The following PTPRD variants were observed in gnomAD, a reference collection of about 807,000 sequenced individuals.
PTPRD encodes protein tyrosine phosphatase receptor type D.
PTPRD carries 34 observed loss-of-function variants against 214.5 expected under a neutral mutation model. The observed-to-expected ratio is 0.16, with a 90% CI of 0.12 to 0.21. The LOEUF (loss-of-function observed/expected upper bound fraction) is 0.21, where lower values mean the gene tolerates loss of function less well. PTPRD is among the 10% of genes least tolerant of loss of function. The pLI, the probability that PTPRD is intolerant of heterozygous loss-of-function variation, is 1.00. For synonymous variants in PTPRD, 1,128 were observed against 845.7 expected (o/e 1.33, Z -5.79); for missense variants, 2,545 against 2,398.7 (o/e 1.06, Z -1.27).
intron 11 of PTPRD, among the ~76,000 whole-genome samples, chr9:8,879,229 C>A (rs941185189): frequency 6.6e-6 from 1 of 152,106 alleles, no homozygotes; most frequent in African/African-American, 2.4e-5. Flanking sequence ...GTGATCGAGA[C>A]ACTGATGGGA....
chr9:9,215,148 G>A (rs1002236844), intron 9 of PTPRD, among the ~76,000 whole-genome samples: 3 of 152,164 alleles, frequency 2.0e-5, no homozygotes, highest in African/African-American at 4.8e-5. Flanking sequence ...ATTGGTCCAT[G>A]TGCATTTGTG....
intron 9 of PTPRD, among the ~76,000 whole-genome samples, chr9:9,227,242 CT>C (rs1365742122): frequency 6.6e-6 from 1 of 151,984 alleles, no homozygotes; most frequent in Non-Finnish European, 1.5e-5. Flanking sequence ...TTTTCCATTT[CT>C]TTTTTCATAC....
intron 14 of PTPRD, among the ~76,000 whole-genome samples, chr9:8,539,082 A>G (rs1169123231): frequency 6.6e-6 from 1 of 152,030 alleles, no homozygotes; most frequent in Non-Finnish European, 1.5e-5. Context: ...TTGACCAAAT[A>G]TTGGACAACT....
intron 2 of PTPRD, among the ~76,000 whole-genome samples, chr9:10,512,689 G>T (rs2048703880): frequency 6.6e-6 from 1 of 152,130 alleles, no homozygotes. Context: ...AAGAAAGGTT[G>T]TGGGTGGAGA....
intron 33 of PTPRD, among the ~76,000 whole-genome samples, chr9:8,458,354 T>C (rs2096275519): frequency 6.6e-6 from 1 of 152,156 alleles, no homozygotes; most frequent in Admixed American, 6.5e-5. Context: ...AAATACCATA[T>C]ACATCTGTTG....
chr9:8,658,895 T>A lies in PTPRD; in HGVS notation c.65-22051A>T, dbSNP rs143271110. ...TAAATAAATACAATTGCAATGGATA[T>A]CTAGACAATTAACTAAAATGCTAAT... On this transcript the variant is annotated intron_variant, in intron 12 of 45. Transcript: ENST00000381196. 1.2e-3 allele frequency among the ~76,000 whole-genome samples: 185 copies of A among 152,268 alleles called. 2 individuals carry two copies. The highest frequency in any genetic ancestry group is 4.3e-3 in the African/African-American group (178 of 41,546).
intron 26 of PTPRD, 58 bp from the exon 27 acceptor site, chr9:8,493,037 A>G (rs2097182973): frequency 1.6e-5 from 23 of 1,411,756 alleles, no homozygotes; most frequent in Non-Finnish European, 2.1e-5. Flanking sequence ...GCTCTGGGGG[A>G]AAAACAAGGC....
intron 7 of PTPRD, among the ~76,000 whole-genome samples, chr9:9,689,230 G>T (rs1194787064): frequency 1.3e-5 from 2 of 151,686 alleles, no homozygotes; most frequent in African/African-American, 4.8e-5. Flanking sequence ...TGTAAAATCA[G>T]TAAAATAATT....
At chr9:9,798,666 A>G (rs10977991) in intron 5 of PTPRD, among the ~76,000 whole-genome samples, 10,736 of 152,226 alleles carry the variant, frequency 0.071, 500 homozygotes, top group Middle Eastern at 0.15. Flanking sequence ...GCAGCAGCCT[A>G]GAAGTAGAAA....
At chr9:10,164,931 C>G (rs1355690956) in intron 3 of PTPRD, among the ~76,000 whole-genome samples, 1 of 150,392 alleles carries the variant, frequency 6.6e-6, no homozygotes, top group African/African-American at 2.4e-5. Flanking sequence ...TCTGATTCAT[C>G]TGAACTTAGA....
intron 11 of PTPRD, among the ~76,000 whole-genome samples, chr9:8,823,279 TC>T (rs920874151): frequency 6.6e-5 from 10 of 152,180 alleles, no homozygotes; most frequent in African/African-American, 2.4e-4. Flanking sequence ...GATGATTTCA[TC>T]CCTTCCCACA....
chr9:8,499,961 C>A, intron 24 of PTPRD, 121 bp from the exon 25 acceptor site: 1 of 633,194 alleles, frequency 1.6e-6, no homozygotes, highest in Non-Finnish European at 2.4e-6. Flanking sequence ...ACTATGTTTT[C>A]TTTGAAGAAT....
chr9:8,670,296 T>G (rs891314668), intron 12 of PTPRD, among the ~76,000 whole-genome samples: 6 of 152,172 alleles, frequency 3.9e-5, no homozygotes, highest in African/African-American at 1.2e-4. Flanking sequence ...TTGACCTATA[T>G]CTCCCATTTC....
intron 8 of PTPRD, among the ~76,000 whole-genome samples, chr9:9,489,576 C>A (rs554318248): frequency 6.6e-6 from 1 of 151,820 alleles, no homozygotes; most frequent in Non-Finnish European, 1.5e-5. Flanking sequence ...AAACCTAAAA[C>A]GAAACCTAAA....
chr9:8,481,760 A>T (rs559678175), intron 30 of PTPRD, among the ~76,000 whole-genome samples: 2 of 150,586 alleles, frequency 1.3e-5, no homozygotes, highest in African/African-American at 2.5e-5. Context: ...AACAACTCCT[A>T]AATGCATATC....
At chr9:9,624,422 A>G (rs981236186) in intron 7 of PTPRD, among the ~76,000 whole-genome samples, 4 of 152,168 alleles carry the variant, frequency 2.6e-5, no homozygotes, top group African/African-American at 9.6e-5. Context: ...TGCTGGGATT[A>G]CAGGCATATG....
chr9:8,460,212 C>G (rs184362166), intron 33 of PTPRD, 199 bp downstream of exon 33: 2 of 690,434 alleles, frequency 2.9e-6, no homozygotes, highest in East Asian at 5.4e-5. Flanking sequence ...GAAGTCTATA[C>G]CAAAACTGAA....
At chr9:9,867,765 T>G in intron 5 of PTPRD, among the ~76,000 whole-genome samples, 1 of 152,030 alleles carries the variant, frequency 6.6e-6, no homozygotes, top group East Asian at 1.9e-4. Flanking sequence ...GGCAAGTAGG[T>G]TTAAGCTCAA....
chr9:9,750,235 G>A (rs990446214), intron 6 of PTPRD, among the ~76,000 whole-genome samples: 7 of 152,008 alleles, frequency 4.6e-5, no homozygotes, highest in Middle Eastern at 3.4e-3. Flanking sequence ...TATACTTTAT[G>A]TAACTATTAT....
Sources: allele counts gnomAD v4.1 joint callset (sites outside exome capture counted in the v4.1 genomes callset), GRCh38; gene constraint gnomAD v4.1.1; transcripts MANE v1.5; gene names NCBI Gene and HGNC (gene_info 2026-07-23, HGNC 2026-07-21).